Variants in ADGRL2 observed in about 807,000 individuals in gnomAD.
ADGRL2 encodes calcium-independent alpha-latrotoxin receptor 2.
Under a neutral mutation model 157.4 loss-of-function variants are expected in ADGRL2, and 44 were observed. The ratio of observed to expected loss-of-function variants is 0.28; its 90% CI spans 0.22 to 0.36. The LOEUF (loss-of-function observed/expected upper bound fraction) is 0.36, where lower values mean the gene tolerates loss of function less well. ADGRL2 is among the 10% of genes least tolerant of loss of function. The probability of loss-of-function intolerance (pLI) is 1.00; values close to 1 mark genes in which losing one functional copy is unlikely to be tolerated. For missense variants in ADGRL2, 1,510 were observed against 1,768.9 expected, an observed-to-expected ratio of 0.85 and a Z score of 2.63; for synonymous variants, 585 against 624.7, an observed-to-expected ratio of 0.94 and a Z score of 0.95.
chr1:81,310,708 A>T (rs573128870), intron 1 of ADGRL2, among the ~76,000 whole-genome samples: 5 of 152,234 alleles, frequency 3.3e-5, no homozygotes, highest in African/African-American at 1.2e-4. Flanking sequence ...TTAGATGTCG[A>T]CCATTGGTAT....
intron 1 of ADGRL2, among the ~76,000 whole-genome samples, chr1:81,377,036 T>A (rs1039179406): frequency 2.2e-4 from 34 of 152,192 alleles, no homozygotes; most frequent in Admixed American, 4.6e-4. Flanking sequence ...AAAAAAATTT[T>A]TTTTTAATTA....
chr1:81,501,875 G>T, intron 2 of ADGRL2: 1 of 1,603,714 alleles, frequency 6.2e-7, no homozygotes, highest in Non-Finnish European at 8.5e-7. Flanking sequence ...AGAGAAGCAG[G>T]GCCAGCAGAT....
chr1:81,973,792 G>A lies in ADGRL2; in HGVS notation c.3021+1874G>A, dbSNP rs373724509. On this transcript the variant is annotated intron_variant, in intron 17 of 23. Transcript: ENST00000686636. ...AGGTAGCAATCCCAGTACAGATCTT[G>A]TTGGAATTCTCCTGCGATTGCTTTG... is the stretch of plus-strand genomic sequence containing the variant. 2.6e-5 allele frequency among the ~76,000 whole-genome samples: 4 copies of A among 152,136 alleles called. No individual in the cohort carries two copies. In the East Asian group the frequency reaches 7.7e-4, roughly 29 times the overall value.
chr1:81,764,114 C>A (rs2086016360), intron 2 of ADGRL2, among the ~76,000 whole-genome samples: 1 of 149,880 alleles, frequency 6.7e-6, no homozygotes, highest in African/African-American at 2.5e-5. Flanking sequence ...ATCACGTGAA[C>A]CCAAGAGGTG....
chr1:81,836,697 C>G (rs555114709), intron 1 of ADGRL2, among the ~76,000 whole-genome samples, 188 bp from the exon 2 acceptor site: 1 of 152,098 alleles, frequency 6.6e-6, no homozygotes, highest in South Asian at 2.1e-4. Context: ...GGCAGTCAAC[C>G]TTTTTGGGCT....
intron 1 of ADGRL2, among the ~76,000 whole-genome samples, chr1:81,387,040 A>G (rs776735590): frequency 6.6e-6 from 1 of 152,134 alleles, no homozygotes; most frequent in Non-Finnish European, 1.5e-5. Flanking sequence ...AAATTTTAGT[A>G]TAGTTCTGAC....
intron 2 of ADGRL2, among the ~76,000 whole-genome samples, chr1:81,852,793 G>C (rs972994341): frequency 6.6e-6 from 1 of 151,956 alleles, no homozygotes; most frequent in African/African-American, 2.4e-5. Context: ...TACTTTCATG[G>C]TTTTGACAGC....
At chr1:81,702,447 A>G (rs376308433) in intron 1 of ADGRL2, among the ~76,000 whole-genome samples, 23 of 152,356 alleles carry the variant, frequency 1.5e-4, no homozygotes, top group African/African-American at 5.5e-4. Context: ...CTCATGCTAC[A>G]TATCACAAGT....
chr1:81,696,524 G>A (rs542167285), upstream of ADGRL2, among the ~76,000 whole-genome samples: 8 of 152,082 alleles, frequency 5.3e-5, no homozygotes, highest in Non-Finnish European at 1.0e-4. Flanking sequence ...AGGCTGAGGC[G>A]GGCGGATCAC....
intron 2 of ADGRL2, among the ~76,000 whole-genome samples, chr1:81,857,312 G>A (rs1233401817): frequency 6.6e-6 from 1 of 152,084 alleles, no homozygotes; most frequent in African/African-American, 2.4e-5. Flanking sequence ...ATATACTGTG[G>A]TATTTGTGGT....
At chr1:81,822,099 G>C (rs2091043015) in intron 1 of ADGRL2, among the ~76,000 whole-genome samples, 1 of 143,656 alleles carries the variant, frequency 7.0e-6, no homozygotes, top group African/African-American at 2.6e-5. Context: ...TTTTCGTATA[G>C]AGGTGAGATA....
chr1:81,942,951 T>C lies in ADGRL2; in HGVS notation c.410-18T>C, dbSNP rs1156367988. The C allele has an allele frequency of 6.3e-7, 1 of 1,584,060 alleles. No individual in the cohort carries two copies. The highest frequency in any genetic ancestry group is 1.8e-5 in the Admixed American group (1 of 56,584). On this transcript the variant is annotated intron_variant, in intron 5 of 23. Coordinates refer to ENST00000686636, the MANE Select transcript of ADGRL2 (RefSeq NM_001366006.2). ...TTTTTAACTTGGCTTAATTTTTGTC[T>C]TTCTCTGTAACTGTTAGTTTTTGTG...
At chr1:81,570,019 T>C (rs1248460875) in intron 2 of ADGRL2, among the ~76,000 whole-genome samples, 1 of 152,014 alleles carries the variant, frequency 6.6e-6, no homozygotes, top group Non-Finnish European at 1.5e-5. Flanking sequence ...GCTGCTTGAG[T>C]GTCCTCTCAA....
intron 13 of ADGRL2, among the ~76,000 whole-genome samples, chr1:81,967,685 C>T (rs1041149781): frequency 3.9e-5 from 6 of 152,022 alleles, no homozygotes; most frequent in Admixed American, 1.3e-4. Flanking sequence ...ACATTTGGTC[C>T]GTATAGAATT....
At chr1:81,433,483 C>G (rs937666240) in intron 1 of ADGRL2, among the ~76,000 whole-genome samples, 12 of 152,122 alleles carry the variant, frequency 7.9e-5, no homozygotes, top group Admixed American at 3.3e-4. Context: ...AAAATGTGAA[C>G]TAGTCAGCAA....
At chr1:81,931,954 A>C (rs2095239321) in intron 3 of ADGRL2, among the ~76,000 whole-genome samples, 1 of 152,172 alleles carries the variant, frequency 6.6e-6, no homozygotes, top group African/African-American at 2.4e-5. Context: ...AATTGTTTAG[A>C]CATTATTCGC....
intron 1 of ADGRL2, among the ~76,000 whole-genome samples, chr1:81,425,860 A>ATTT (rs2077204488): frequency 1.3e-5 from 2 of 149,610 alleles, no homozygotes; most frequent in Non-Finnish European, 3.0e-5. Flanking sequence ...AGAAAATACA[A>ATTT]ATTTATTTAT....
At chr1:81,574,335 A>T (rs2080755379) in intron 2 of ADGRL2, among the ~76,000 whole-genome samples, 1 of 152,154 alleles carries the variant, frequency 6.6e-6, no homozygotes, top group Non-Finnish European at 1.5e-5. Flanking sequence ...GGAAATTAAA[A>T]TCATGTGTTA....
At chr1:81,317,164 C>T (rs959979502) in intron 1 of ADGRL2, among the ~76,000 whole-genome samples, 1 of 152,078 alleles carries the variant, frequency 6.6e-6, no homozygotes, top group African/African-American at 2.4e-5. Flanking sequence ...TGCTGCCAAA[C>T]ATTCTAGAAT....
Sources: allele counts gnomAD v4.1 joint callset (sites outside exome capture counted in the v4.1 genomes callset), GRCh38; gene constraint gnomAD v4.1.1; transcripts MANE v1.5; gene names NCBI Gene and HGNC (gene_info 2026-07-23, HGNC 2026-07-21).